Variants in PARVA observed in about 807,000 individuals in gnomAD.
PARVA encodes alpha-parvin.
A neutral mutation model predicts 52.6 loss-of-function variants in PARVA; 25 were observed. The ratio of observed to expected loss-of-function variants is 0.48; its 90% CI spans 0.35 to 0.66. The LOEUF (loss-of-function observed/expected upper bound fraction) is 0.66. Ranked by LOEUF, PARVA falls within the 30% of genes least tolerant of loss-of-function variation. The probability of loss-of-function intolerance (pLI) is 0.01; values close to 1 mark genes in which losing one functional copy is unlikely to be tolerated. For missense variants in PARVA, 373 were observed against 450.9 expected (o/e 0.83, Z 1.56); for synonymous variants, 185 against 179.1 (o/e 1.03, Z -0.26).
At chr11:12,436,460 A>G (rs1940390171) in intron 1 of PARVA, among the ~76,000 whole-genome samples, 2 of 152,154 alleles carry the variant, frequency 1.3e-5, no homozygotes, top group African/African-American at 4.8e-5. Context: ...CTGGAGATGG[A>G]GAGAGATCTG....
chr11:12,405,794 T>TA (rs1199210992), intron 1 of PARVA, among the ~76,000 whole-genome samples: 2 of 151,962 alleles, frequency 1.3e-5, no homozygotes, highest in Non-Finnish European at 2.9e-5. Flanking sequence ...CCATCTCTAC[T>TA]AAAAAATACA....
chr11:12,502,530 A>G (rs747701784), intron 5 of PARVA, among the ~76,000 whole-genome samples: 65 of 152,256 alleles, frequency 4.3e-4, no homozygotes, highest in Admixed American at 2.7e-3. Flanking sequence ...AAAGGGAATA[A>G]AGCTGGCATG....
At chr11:12,400,094 CATAA>C (rs1004588932) in intron 1 of PARVA, among the ~76,000 whole-genome samples, 14 of 152,026 alleles carry the variant, frequency 9.2e-5, no homozygotes, top group African/African-American at 1.9e-4. Flanking sequence ...AAAATTAAAA[CATAA>C]ATAAATAAAA....
chr11:12,382,005 A>G (rs1176074875), intron 1 of PARVA, among the ~76,000 whole-genome samples: 1 of 152,230 alleles, frequency 6.6e-6, no homozygotes, highest in East Asian at 1.9e-4. Flanking sequence ...TCAAGAGATC[A>G]CTTTTAACTG....
intron 5 of PARVA, among the ~76,000 whole-genome samples, chr11:12,498,935 A>G (rs183411875): frequency 6.6e-6 from 1 of 152,228 alleles, no homozygotes; most frequent in African/African-American, 2.4e-5. Flanking sequence ...CGTATTTTCT[A>G]CATTCCCTCG....
rs1280797795 is a variant in PARVA at position 12,377,598 on chromosome 11, C to T, written c.-50C>T. The T allele has an allele frequency of 3.3e-6, 5 of 1,520,796 alleles. No homozygotes were observed. The highest frequency in any genetic ancestry group is 4.4e-6 in the Non-Finnish European group (5 of 1,138,458). The allele number at this position is 1,520,796 out of a possible 1,614,324, so 94.2% of individuals were successfully genotyped here. ...TCCCGCCGCCGCCCGCTGCGTCCGC[C>T]CAGCGCCAGCTCCGCGTCCCGACCG... is the stretch of plus-strand genomic sequence containing the variant. On this transcript the variant is annotated 5_prime_UTR_variant, in exon 1 of 13. Coordinates refer to ENST00000334956, the MANE Select transcript of PARVA (RefSeq NM_018222.5).
intron 1 of PARVA, among the ~76,000 whole-genome samples, chr11:12,424,345 T>C (rs1940196380): frequency 6.6e-6 from 1 of 152,184 alleles, no homozygotes; most frequent in Non-Finnish European, 1.5e-5. Flanking sequence ...TCTCTATTTA[T>C]TTTTCATCGT....
Position 12,377,781 on chromosome 11 carries a change from A to C in PARVA, c.134A>C (p.Glu45Ala). The C allele has an allele frequency of 6.7e-7, 1 of 1,502,422 alleles. No homozygotes were observed. Among genetic ancestry groups the C allele is most frequent in the Non-Finnish European group, 8.9e-7 (1 of 1,128,752 alleles). The allele number at this position is 1,502,422 out of a possible 1,614,324, so 93.1% of individuals were successfully genotyped here. ...GTLARRKKAKEVSELQEEGMN... is the reference protein window; with the variant it reads ...GTLARRKKAKAVSELQEEGMN... ...CTGGCCCGGAGGAAGAAAGCCAAGG[A>C]GGGTGAGTGCGGCCAGGCCGGCCGG... The change falls in exon 1 of 13, where the codon GAG becomes GCG. Residue 45 changes from glutamate (E) to alanine (A), a missense_variant and splice_region_variant. Glu to Ala is a moderately radical substitution (Grantham distance 107). Coordinates refer to ENST00000334956, the MANE Select transcript of PARVA (RefSeq NM_018222.5).
At chr11:12,503,912 G>A (rs933937) in intron 5 of PARVA, among the ~76,000 whole-genome samples, 141,828 of 152,170 alleles carry the variant, frequency 0.93, 66,642 homozygotes, top group Non-Finnish European at 0.99. Context: ...TAAACTGGCC[G>A]GCATCTGCCT....
intron 4 of PARVA, among the ~76,000 whole-genome samples, chr11:12,482,873 G>A (rs143484281): frequency 8.1e-4 from 123 of 152,252 alleles, no homozygotes; most frequent in African/African-American, 2.8e-3. Flanking sequence ...ACAATTCAAG[G>A]TGAGATTTGG....
chr11:12,447,932 A>G (rs1253367127), intron 1 of PARVA, among the ~76,000 whole-genome samples: 1 of 152,194 alleles, frequency 6.6e-6, no homozygotes, highest in African/African-American at 2.4e-5. Context: ...TAATGATGAT[A>G]TATCTACCTC....
In PARVA at chr11:12,423,182, ATTTTTT is replaced by A; in HGVS notation, c.136+45412_136+45417del. On this transcript the variant is annotated intron_variant, in intron 1 of 12. Coordinates refer to ENST00000334956, the MANE Select transcript of PARVA (RefSeq NM_018222.5). ...TGTTTTGTTACTTTTCATTAAGGAGATTTTTTTTTTTTTTTTTTGAGACGGGGTCTT... is the reference window on the plus strand; with the variant it reads ...TGTTTTGTTACTTTTCATTAAGGAGATTTTTTTTTTTTGAGACGGGGTCTT... Among the ~76,000 whole-genome samples the A allele has an allele frequency of 2.3e-5, 3 of 132,922 alleles. No homozygotes were observed. In the South Asian group the frequency reaches 7.3e-4, roughly 32 times the overall value. The allele number at this position is 132,922 out of a possible 152,430, so 87.2% of individuals were successfully genotyped here.
intron 1 of PARVA, among the ~76,000 whole-genome samples, chr11:12,444,519 G>A (rs1940518830): frequency 1.3e-5 from 2 of 151,680 alleles, no homozygotes; most frequent in African/African-American, 2.4e-5. Flanking sequence ...ATCAAAACTC[G>A]CTGCAGCCTG....
At chr11:12,501,751 CTA>C (rs1387526845) in intron 5 of PARVA, among the ~76,000 whole-genome samples, 4 of 152,134 alleles carry the variant, frequency 2.6e-5, no homozygotes, top group Non-Finnish European at 5.9e-5. Flanking sequence ...AGACTATAGA[CTA>C]TTTCTTTCTA....
At chr11:12,495,713 A>G (rs999376425) in intron 4 of PARVA, among the ~76,000 whole-genome samples, 17 of 152,208 alleles carry the variant, frequency 1.1e-4, no homozygotes, top group African/African-American at 3.6e-4. Flanking sequence ...TCAGAAAGAG[A>G]AAAATCACTT....
At chr11:12,483,214 G>T (rs1471375421) in intron 4 of PARVA, among the ~76,000 whole-genome samples, 3 of 152,206 alleles carry the variant, frequency 2.0e-5, no homozygotes, top group South Asian at 2.1e-4. Context: ...CAACCCAGCT[G>T]CCCCATTGCT....
At chr11:12,511,445 T>G in intron 7 of PARVA, 69 bp from the exon 8 acceptor site, 1 of 1,539,312 alleles carries the variant, frequency 6.5e-7, no homozygotes, top group Non-Finnish European at 8.9e-7. Context: ...GGAGTGTCCT[T>G]TCAGAGGACT....
chr11:12,405,899 C>T (rs1042441088), intron 1 of PARVA, among the ~76,000 whole-genome samples: 2 of 151,900 alleles, frequency 1.3e-5, no homozygotes, highest in African/African-American at 4.8e-5. Context: ...CGGAGGTTGC[C>T]ATGAGCTGAG....
chr11:12,429,813 G>A (rs915389510), intron 1 of PARVA, among the ~76,000 whole-genome samples: 6 of 152,078 alleles, frequency 3.9e-5, no homozygotes, highest in South Asian at 2.1e-4. Context: ...CAAGCTTAGC[G>A]TTCCAATAAT....
Sources: gnomAD v4.1 joint callset for allele counts (sites outside exome capture counted in the v4.1 genomes callset) on GRCh38, gnomAD v4.1.1 for gene constraint, MANE v1.5 for transcripts, NCBI Gene and HGNC (gene_info 2026-07-23, HGNC 2026-07-21) for gene names.